Variants in ADAMTS3 observed in about 807,000 individuals in gnomAD.
The protein encoded by ADAMTS3 is ADAM metallopeptidase with thrombospondin type 1 motif 3, also known as A disintegrin and metalloproteinase with thrombospondin motifs 3.
ADAMTS3 carries 73 observed loss-of-function variants against 129.0 expected under a neutral mutation model. The observed-to-expected ratio is 0.57, with a 90% CI of 0.47 to 0.69. ADAMTS3 has a LOEUF of 0.69. ADAMTS3 is among the 30% of genes least tolerant of loss of function. The pLI is 0.00. For missense variants in ADAMTS3, 1,457 were observed against 1,514.5 expected (o/e 0.96, Z 0.63); for synonymous variants, 477 against 510.8 (o/e 0.93, Z 0.89).
chr4:72,331,935 T>C (rs776339993), intron 5 of ADAMTS3, among the ~76,000 whole-genome samples: 20 of 152,200 alleles, frequency 1.3e-4, no homozygotes, highest in Non-Finnish European at 2.2e-4. Context: ...TATCACATTT[T>C]ATTATTATCA....
intron 3 of ADAMTS3, among the ~76,000 whole-genome samples, chr4:72,455,948 C>CAGTATATATACTATATATATTTTACGTAT (rs1718561466): frequency 1.4e-5 from 1 of 73,878 alleles, no homozygotes; most frequent in Non-Finnish European, 2.4e-5. Flanking sequence ...AGTATATATA[C>CAGTATATATACTATATATATTTTACGTAT]AGTATATATA....
intron 5 of ADAMTS3, among the ~76,000 whole-genome samples, chr4:72,329,772 C>T (rs946370061): frequency 6.0e-5 from 9 of 151,124 alleles, no homozygotes; most frequent in East Asian, 1.9e-4. Context: ...AAACGATCTA[C>T]GATGTTCTGT....
intron 4 of ADAMTS3, among the ~76,000 whole-genome samples, chr4:72,370,704 C>T (rs899027073): frequency 2.0e-5 from 3 of 152,016 alleles, no homozygotes; most frequent in East Asian, 1.9e-4. Flanking sequence ...GAGCGGAGAT[C>T]GCACCACTGC....
At chr4:72,507,449 G>A (rs1476120938) in intron 3 of ADAMTS3, among the ~76,000 whole-genome samples, 1 of 152,132 alleles carries the variant, frequency 6.6e-6, no homozygotes, top group Non-Finnish European at 1.5e-5. Flanking sequence ...CAATTTCCCA[G>A]GAACTATGTT....
At chr4:72,496,982 C>T (rs1156249966) in intron 3 of ADAMTS3, among the ~76,000 whole-genome samples, 1 of 152,034 alleles carries the variant, frequency 6.6e-6, no homozygotes, top group East Asian at 1.9e-4. Flanking sequence ...TGCACAATAA[C>T]AATTCTAACA....
chr4:72,396,263 G>A (rs191909883), intron 4 of ADAMTS3, among the ~76,000 whole-genome samples: 1 of 152,246 alleles, frequency 6.6e-6, no homozygotes, highest in East Asian at 1.9e-4. Context: ...AAAAGCAAAT[G>A]TAACAGCACA....
rs374267184 is a variant in ADAMTS3 at position 72,339,496 on chromosome 4, T to C, written c.859A>G (p.Ile287Val). 1.4e-5 allele frequency: 22 copies of C among 1,613,586 alleles called. No individual in the cohort carries two copies. Among genetic ancestry groups the C allele is most frequent in the Non-Finnish European group, 1.6e-5 (19 of 1,179,702 alleles). The change falls in exon 5 of 22, where the codon ATT becomes GTT. Residue 287 changes from isoleucine to valine, a missense_variant and splice_region_variant. Coordinates refer to ENST00000286657, the MANE Select transcript of ADAMTS3 (RefSeq NM_014243.3). ...VQNYLLTLMN[I>V]VNEIYHDESL... ...TTTAAAAAGGAGTCACTACTCACAATGTTCATTAGGGTCAGGAGGTAGTTT... is the reference window on the plus strand; with the variant it reads ...TTTAAAAAGGAGTCACTACTCACAACGTTCATTAGGGTCAGGAGGTAGTTT...
intron 3 of ADAMTS3, among the ~76,000 whole-genome samples, chr4:72,494,282 C>T (rs1427049440): frequency 6.6e-6 from 1 of 152,010 alleles, no homozygotes; most frequent in Non-Finnish European, 1.5e-5. Context: ...CTTTGTCCTT[C>T]TTTGACTGGG....
intron 3 of ADAMTS3, among the ~76,000 whole-genome samples, chr4:72,544,215 T>C (rs906706123): frequency 1.3e-5 from 2 of 152,156 alleles, no homozygotes; most frequent in African/African-American, 4.8e-5. Context: ...TAAAATGTCT[T>C]GTTTTAGAGG....
chr4:72,415,557 T>C (rs999918890), intron 3 of ADAMTS3, among the ~76,000 whole-genome samples: 1 of 151,992 alleles, frequency 6.6e-6, no homozygotes, highest in African/African-American at 2.4e-5. Context: ...CTCATATTTG[T>C]CCTAGCTTAA....
In ADAMTS3 at chr4:72,487,498, C is replaced by T. The variant is rs541184819; in HGVS notation, c.504+60980G>A. Among the ~76,000 whole-genome samples, 3 of 152,192 alleles carry T rather than the reference C, an allele frequency of 2.0e-5. No homozygotes were observed. The South Asian group carries it at 6.2e-4, about 32-fold the overall frequency. On this transcript the variant is annotated intron_variant, in intron 3 of 21. Coordinates refer to ENST00000286657, the MANE Select transcript of ADAMTS3 (RefSeq NM_014243.3). ...AGCTAATGCTAAGTAAAACAGATGC[C>T]CATCTCTGTCTGCCCTGTCCCTCAC...
At chr4:72,480,814 T>G (rs972972118) in intron 3 of ADAMTS3, among the ~76,000 whole-genome samples, 4 of 149,114 alleles carry the variant, frequency 2.7e-5, no homozygotes, top group African/African-American at 9.8e-5. Flanking sequence ...ATAGAAAATC[T>G]CAAGGAACTC....
chr4:72,302,464 A>G (rs2109786590), intron 17 of ADAMTS3, among the ~76,000 whole-genome samples: 1 of 152,246 alleles, frequency 6.6e-6, no homozygotes, highest in Non-Finnish European at 1.5e-5. Context: ...ATGTATTTTA[A>G]AAAAGATTAT....
chr4:72,568,953 T>C lies in ADAMTS3; in HGVS notation c.-191A>G, dbSNP rs574577036. On this transcript the variant is annotated 5_prime_UTR_variant, in exon 1 of 22. Transcript: ENST00000286657. ...GCTCTGAGACTGGCCCCCTCTGCTC[T>C]GCAGTTTTTTCCACTTCACCTTCTC... is the stretch of plus-strand genomic sequence containing the variant. The C allele has an allele frequency of 9.8e-6, 6 of 614,896 alleles. No homozygotes were observed. Among genetic ancestry groups the C allele is most frequent in the Admixed American group, 8.8e-5 (3 of 33,956 alleles). The allele number at this position is 614,896 out of a possible 1,614,324, so 38.1% of individuals were successfully genotyped here.
At chr4:72,423,689 C>T (rs1209723735) in intron 3 of ADAMTS3, among the ~76,000 whole-genome samples, 1 of 152,008 alleles carries the variant, frequency 6.6e-6, no homozygotes, top group Non-Finnish European at 1.5e-5. Flanking sequence ...GAATTTCAGG[C>T]AACATTTCAA....
intron 3 of ADAMTS3, among the ~76,000 whole-genome samples, chr4:72,448,555 T>G (rs1251237908): frequency 6.6e-6 from 1 of 151,710 alleles, no homozygotes; most frequent in Non-Finnish European, 1.5e-5. Context: ...AAACTTGATG[T>G]AAGTTTCCAC....
chr4:72,556,450 T>G (rs1178558365), intron 2 of ADAMTS3, among the ~76,000 whole-genome samples: 1 of 151,780 alleles, frequency 6.6e-6, no homozygotes. Flanking sequence ...TCAGTAGTAT[T>G]GTCAACATTG....
intron 3 of ADAMTS3, among the ~76,000 whole-genome samples, chr4:72,509,753 A>T (rs1402089843): frequency 1.3e-4 from 19 of 151,940 alleles, no homozygotes; most frequent in Admixed American, 1.2e-3. Context: ...ATATTTCCAA[A>T]CTCATACTAC....
intron 3 of ADAMTS3, among the ~76,000 whole-genome samples, chr4:72,488,304 T>A (rs1307160017): frequency 6.6e-6 from 1 of 152,016 alleles, no homozygotes; most frequent in Non-Finnish European, 1.5e-5. Context: ...CTGTGGAGAC[T>A]ATATTCCAGA....
Sources: allele counts gnomAD v4.1 joint callset (sites outside exome capture counted in the v4.1 genomes callset), GRCh38; gene constraint gnomAD v4.1.1; transcripts MANE v1.5; gene names NCBI Gene and HGNC (gene_info 2026-07-23, HGNC 2026-07-21).